Variants in KSR2 observed in about 807,000 individuals in gnomAD.
KSR2 encodes kinase suppressor of ras 2.
KSR2 carries 25 observed loss-of-function variants against 107.8 expected under a neutral mutation model. That is an observed-to-expected ratio of 0.23 (90% CI 0.17 to 0.32). The LOEUF is 0.32. Among genes scored for constraint, KSR2 ranks in the 10% least tolerant of loss-of-function variants. The pLI, the probability that KSR2 is intolerant of heterozygous loss-of-function variation, is 1.00. For missense variants in KSR2, 887 were observed against 1,268.9 expected (o/e 0.70, Z 4.57); for synonymous variants, 480 against 507.0 (o/e 0.95, Z 0.71).
At chr12:117,571,768 C>T (rs1878910182) in intron 7 of KSR2, among the ~76,000 whole-genome samples, 1 of 152,182 alleles carries the variant, frequency 6.6e-6, no homozygotes, top group Admixed American at 6.5e-5. Flanking sequence ...GAATCTAAGG[C>T]CCTGAGAGCA....
chr12:117,941,607 G>T (rs1365525820), intron 1 of KSR2, among the ~76,000 whole-genome samples: 5 of 140,814 alleles, frequency 3.6e-5, no homozygotes, highest in Non-Finnish European at 6.1e-5. Context: ...AAAATCACAG[G>T]CTTTCCTTTT....
At chr12:117,711,914 T>C (rs1886799261) in intron 4 of KSR2, among the ~76,000 whole-genome samples, 1 of 152,202 alleles carries the variant, frequency 6.6e-6, no homozygotes, top group Non-Finnish European at 1.5e-5. Flanking sequence ...GAGACACCGC[T>C]GAGCCATGCC....
chr12:117,968,088 G>C lies in KSR2; in HGVS notation c.168C>G (p.Ile56Met). The change falls in exon 1 of 20, where the codon ATC becomes ATG. Residue 56 changes from isoleucine to methionine, a missense_variant. Ile to Met is a conservative substitution (Grantham distance 10). Around this residue, in one of 8 missense-constraint regions of KSR2, gnomAD observed 21 missense variants for 57.8 expected, o/e 0.36. Coordinates refer to ENST00000339824, the MANE Select transcript of KSR2 (RefSeq NM_173598.6). ...AGGCAACACCTACCTCCAGGGTCCG[G>C]ATTTCTTTTTGTGTGAGGTCGTTGG... ...ATSNDLTQKE[I>M]RTLESKLVKY... is the part of the protein sequence containing the mutation. The C allele has an allele frequency of 1.4e-6, 2 of 1,474,756 alleles. No homozygotes were observed. Among genetic ancestry groups the C allele is most frequent in the South Asian group, 1.2e-5 (1 of 85,124 alleles). 91.4% of individuals were successfully genotyped at this position (1,474,756 alleles called of 1,614,324 possible). A position where few individuals can be genotyped will look rare whatever the true frequency, so the allele number is the denominator to read the frequency against.
intron 9 of KSR2, among the ~76,000 whole-genome samples, chr12:117,547,051 GA>G: frequency 6.6e-6 from 1 of 152,178 alleles, no homozygotes; most frequent in East Asian, 1.9e-4. Flanking sequence ...TTCTTGCTAT[GA>G]CAAGTAATTT....
At chr12:117,584,819 G>A (rs955949499) in intron 5 of KSR2, among the ~76,000 whole-genome samples, 1 of 152,170 alleles carries the variant, frequency 6.6e-6, no homozygotes, top group East Asian at 1.9e-4. Flanking sequence ...CCTCTGTGTG[G>A]TCAGGCTATC....
rs970545641 is a variant in KSR2, at chr12:117,812,721, C to T, written c.472+42707G>A. Among the ~76,000 whole-genome samples, 12 of 151,702 alleles carry T rather than the reference C, an allele frequency of 7.9e-5. No individual in the cohort carries two copies. The South Asian group carries it at 1.0e-3, about 13-fold the overall frequency. ...AAAATTAATATTGTTAAAATGTCCA[C>T]AGTACCCAAAGTGATCTACAGATTC... On this transcript the variant is annotated intron_variant, in intron 3 of 19. Coordinates refer to ENST00000339824, the MANE Select transcript of KSR2 (RefSeq NM_173598.6).
intron 3 of KSR2, among the ~76,000 whole-genome samples, chr12:117,782,880 C>T (rs1267684478): frequency 2.6e-5 from 4 of 152,098 alleles, no homozygotes; most frequent in Non-Finnish European, 5.9e-5. Flanking sequence ...ATCTAGACCC[C>T]TCCGCCCCAC....
intron 1 of KSR2, among the ~76,000 whole-genome samples, chr12:117,894,865 C>T (rs1894461889): frequency 6.6e-6 from 1 of 151,798 alleles, no homozygotes; most frequent in Non-Finnish European, 1.5e-5. Context: ...TCCTATGGAA[C>T]TGTGAGTCAA....
At chr12:117,855,701 G>A (rs1330222071) in intron 2 of KSR2, 123 bp from the exon 3 acceptor site, 2 of 966,566 alleles carry the variant, frequency 2.1e-6, no homozygotes, top group Non-Finnish European at 3.1e-6. Context: ...TGACAGTGGG[G>A]TCTCCGAATC....
chr12:117,553,939 C>A (rs1877486349), intron 9 of KSR2, among the ~76,000 whole-genome samples: 2 of 152,028 alleles, frequency 1.3e-5, no homozygotes, highest in South Asian at 4.2e-4. Context: ...TGAGTGGAAG[C>A]AGCCTGTGGC....
At chr12:117,499,370 T>G (rs931148109) in intron 14 of KSR2, among the ~76,000 whole-genome samples, 1 of 152,172 alleles carries the variant, frequency 6.6e-6, no homozygotes, top group African/African-American at 2.4e-5. Context: ...TAATTTTTCC[T>G]CCAATAAATG....
rs1338840998 is a variant in KSR2, at chr12:117,462,534, C to G, written c.*4665G>C. 2 of 152,166 alleles carry G rather than the reference C, an allele frequency of 1.3e-5. No homozygotes were observed. The highest frequency in any genetic ancestry group is 6.5e-5 in the Admixed American group (1 of 15,274). The allele number at this position is 152,166 out of a possible 1,614,324, so 9.4% of individuals were successfully genotyped here. A position where few individuals can be genotyped will look rare whatever the true frequency, so the allele number is the denominator to read the frequency against. On this transcript the variant is annotated 3_prime_UTR_variant, in exon 20 of 20. Coordinates refer to ENST00000339824, the MANE Select transcript of KSR2 (RefSeq NM_173598.6). Reference sequence around the variant, plus strand: ...AATTCAGAAGCCGCCAGGAAGGATTCCCTTACAGATTTCAGGGGGAACATG... The same window carrying G: ...AATTCAGAAGCCGCCAGGAAGGATTGCCTTACAGATTTCAGGGGGAACATG...
At chr12:117,852,954 A>T (rs755833241) in intron 3 of KSR2, among the ~76,000 whole-genome samples, 15 of 152,182 alleles carry the variant, frequency 9.9e-5, no homozygotes, top group Non-Finnish European at 2.1e-4. Context: ...GGCATGCGCC[A>T]CCAAGCCCAG....
rs1441061310 is a variant in KSR2 at position 117,628,080 on chromosome 12, T to C, written c.1171+39394A>G. ...GTCATTTAAGGTCTTCTCTATGCTG[T>C]TTATTCTAGTTAGCCATTCATCTAA... On this transcript the variant is annotated intron_variant, in intron 5 of 19. Transcript: ENST00000339824. 2.0e-5 allele frequency among the ~76,000 whole-genome samples: 3 copies of C among 152,202 alleles called. No individual in the cohort carries two copies. The East Asian group carries it at 5.8e-4, about 29-fold the overall frequency.
intron 1 of KSR2, among the ~76,000 whole-genome samples, chr12:117,894,069 C>T (rs147632705): frequency 6.6e-6 from 1 of 152,100 alleles, no homozygotes; most frequent in Non-Finnish European, 1.5e-5. Flanking sequence ...GCCACTACAC[C>T]CGGCTAATTT....
Position 117,860,307 on chromosome 12 carries a change from C to T in KSR2, c.305G>A (p.Arg102His), listed in dbSNP as rs373522242. The stretch of plus-strand genomic sequence containing the variant: ...CCAGGTCACCTCCAGGACCTCCTTG[C>T]GCACATCGACGATTCGGAACCAGTG... ...LRHWFRIVDV[R>H]KEVLEEISPG... Residue 102 changes from arginine to histidine, a missense_variant, in exon 2 of 20, where the codon CGC becomes CAC. By Grantham distance (29) the Arg-to-His change is conservative (BLOSUM62 0). Transcript: ENST00000339824. 4 of 1,613,264 alleles carry T rather than the reference C, an allele frequency of 2.5e-6. No individual in the cohort carries two copies. The highest frequency in any genetic ancestry group is 3.4e-6 in the Non-Finnish European group (4 of 1,179,472).
Position 117,491,337 on chromosome 12 carries a change from G to A in KSR2, c.2220-5646C>T, listed in dbSNP as rs374396121. 1.1e-3 allele frequency among the ~76,000 whole-genome samples: 168 copies of A among 152,088 alleles called. 5 individuals carry two copies. The South Asian group carries it at 0.029, about 26-fold the overall frequency. ...TGGGATTACAGGTGCCTACCACCACGCCTGGCTAATTTTTATATTTTTAGT... is the reference window on the plus strand; with the variant it reads ...TGGGATTACAGGTGCCTACCACCACACCTGGCTAATTTTTATATTTTTAGT... On this transcript the variant is annotated intron_variant, in intron 14 of 19. Transcript: ENST00000339824.
In KSR2 at chr12:117,729,906, G is replaced by A. The variant is rs530179043; in HGVS notation, c.986+31105C>T. Among the ~76,000 whole-genome samples, 4 of 152,310 alleles carry A rather than the reference G, an allele frequency of 2.6e-5. No individual in the cohort carries two copies. In the East Asian group the frequency reaches 5.8e-4, roughly 22 times the overall value. ...ATAGAAATGGTAATATAGAGGCAGC[G>A]TAGCACTGATGATCATGACTTCAGC... On this transcript the variant is annotated intron_variant, in intron 4 of 19. Transcript: ENST00000339824.
chr12:117,697,609 A>T (rs550458366), intron 4 of KSR2, among the ~76,000 whole-genome samples: 2 of 151,986 alleles, frequency 1.3e-5, no homozygotes, highest in Non-Finnish European at 2.9e-5. Flanking sequence ...GCATGGTGGC[A>T]CATGCCTGTA....
Sources: allele counts gnomAD v4.1 joint callset (sites outside exome capture counted in the v4.1 genomes callset), GRCh38; gene constraint gnomAD v4.1.1; regional missense constraint gnomAD v4.1.1; transcripts MANE v1.5; gene names NCBI Gene and HGNC (gene_info 2026-07-23, HGNC 2026-07-21).